ATP9A: variants seen among roughly 807,000 people sequenced by gnomAD.
ATP9A encodes the protein probable phospholipid-transporting ATPase IIA.
Under a neutral mutation model 144.1 loss-of-function variants are expected in ATP9A, and 52 were observed. The observed-to-expected ratio is 0.36, with a 90% CI of 0.29 to 0.45. The LOEUF is 0.45. Among genes scored for constraint, ATP9A ranks in the 20% least tolerant of loss-of-function variants. The pLI, the probability that ATP9A is intolerant of heterozygous loss-of-function variation, is 1.00. For missense variants in ATP9A, 947 were observed against 1,392.7 expected (o/e 0.68, Z 5.09); for synonymous variants, 582 against 557.4 (o/e 1.04, Z -0.62).
intron 23 of ATP9A, among the ~76,000 whole-genome samples, chr20:51,612,898 A>G (rs1303488334): frequency 1.3e-5 from 2 of 152,220 alleles, no homozygotes; most frequent in African/African-American, 4.8e-5. Context: ...CAGAACCGTG[A>G]TGCTGAGTCA....
At chr20:51,694,494 A>G (rs547310608) in intron 6 of ATP9A, among the ~76,000 whole-genome samples, 1 of 152,220 alleles carries the variant, frequency 6.6e-6, no homozygotes, top group South Asian at 2.1e-4. Context: ...TCAGGACCCA[A>G]ACCACCTGAG....
At chr20:51,650,941 G>A (rs4809861) in intron 14 of ATP9A, among the ~76,000 whole-genome samples, 67,865 of 150,088 alleles carry the variant, frequency 0.45, 16,711 homozygotes, top group East Asian at 0.8. Flanking sequence ...GAACACAAGC[G>A]TAAGTCCTAC....
intron 6 of ATP9A, among the ~76,000 whole-genome samples, chr20:51,695,040 T>G (rs1315972935): frequency 6.6e-6 from 1 of 152,208 alleles, no homozygotes; most frequent in African/African-American, 2.4e-5. Flanking sequence ...AAATTTTACT[T>G]GTACTTTAAT....
At chr20:51,671,351 G>C in intron 11 of ATP9A, 94 bp from the exon 12 acceptor site, 3 of 1,420,124 alleles carry the variant, frequency 2.1e-6, no homozygotes, top group South Asian at 2.6e-5. Flanking sequence ...ATGTGCCATC[G>C]CATCCGGACT....
chr20:51,626,084 C>T (rs1185944644), intron 17 of ATP9A, among the ~76,000 whole-genome samples: 4 of 152,298 alleles, frequency 2.6e-5, no homozygotes, highest in Non-Finnish European at 4.4e-5. Context: ...ACCAGAGACA[C>T]GGCAGTAAAC....
intron 13 of ATP9A, among the ~76,000 whole-genome samples, chr20:51,658,654 GC>G: frequency 6.6e-6 from 1 of 151,370 alleles, no homozygotes; most frequent in East Asian, 2.0e-4. Context: ...CGAGTAGCTG[GC>G]ATTACAGGCG....
intron 1 of ATP9A, among the ~76,000 whole-genome samples, chr20:51,747,510 GA>G (rs2077813818): frequency 1.3e-5 from 2 of 151,768 alleles, no homozygotes; most frequent in African/African-American, 4.8e-5. Context: ...TAAATGGGAA[GA>G]AAAAAAGAAG....
At chr20:51,697,527 T>C (rs1453033320) in intron 4 of ATP9A, 45 bp from the exon 5 acceptor site, 1 of 1,582,828 alleles carries the variant, frequency 6.3e-7, no homozygotes. Flanking sequence ...TTAATTCATT[T>C]CAATTCAACA....
chr20:51,725,167 G>A lies in ATP9A; in HGVS notation c.327+652C>T, dbSNP rs58409447. On this transcript the variant is annotated intron_variant, in intron 3 of 27. Coordinates refer to ENST00000338821, the MANE Select transcript of ATP9A (RefSeq NM_006045.3). ...GAGACAGGTCTCTCTCCATCACCCA[G>A]GCTGGAGTGCAGTGGCGTGATGTCA... Among the ~76,000 whole-genome samples the A allele has an allele frequency of 3.6e-3, 551 of 152,224 alleles. 11 individuals carry two copies. The East Asian group carries it at 0.06, about 17-fold the overall frequency.
intron 13 of ATP9A, among the ~76,000 whole-genome samples, chr20:51,659,893 A>T (rs1273195566): frequency 6.6e-6 from 1 of 152,244 alleles, no homozygotes; most frequent in Non-Finnish European, 1.5e-5. Context: ...TGTCAGGAGC[A>T]CACGAGTTTC....
At chr20:51,631,921 CT>C (rs2077271604) in intron 15 of ATP9A, among the ~76,000 whole-genome samples, 2 of 152,186 alleles carry the variant, frequency 1.3e-5, no homozygotes, top group Non-Finnish European at 1.5e-5. Flanking sequence ...AGGAAATGGC[CT>C]TGCTTTGTGG....
At chr20:51,619,371 C>G (rs1280262121) in intron 19 of ATP9A, among the ~76,000 whole-genome samples, 1 of 152,070 alleles carries the variant, frequency 6.6e-6, no homozygotes, top group Non-Finnish European at 1.5e-5. Flanking sequence ...TGAGACCAGC[C>G]TTGCCAACAT....
At chr20:51,697,268 T>C (rs2077574595) in intron 5 of ATP9A, among the ~76,000 whole-genome samples, 156 bp downstream of exon 5, 1 of 142,282 alleles carries the variant, frequency 7.0e-6, no homozygotes, top group African/African-American at 2.5e-5. Flanking sequence ...TGTGTGTGTC[T>C]GTCTGTCTGT....
intron 14 of ATP9A, among the ~76,000 whole-genome samples, chr20:51,641,543 G>A (rs1006160080): frequency 1.5e-4 from 22 of 151,416 alleles, no homozygotes; most frequent in African/African-American, 3.6e-4. Flanking sequence ...AGCCGGGCGC[G>A]GTGGCTCACA....
At chr20:51,656,219 CA>C (rs11476943) in intron 14 of ATP9A, among the ~76,000 whole-genome samples, 115,753 of 143,822 alleles carry the variant, frequency 0.8, 46,079 homozygotes, top group Middle Eastern at 0.86. Context: ...ATGATGGTTG[CA>C]AAAAAAAAAA....
chr20:51,651,430 TTATA>T (rs566211793), intron 14 of ATP9A, among the ~76,000 whole-genome samples: 90 of 146,054 alleles, frequency 6.2e-4, no homozygotes, highest in African/African-American at 2.0e-3. Flanking sequence ...ATATCATATA[TTATA>T]TAAATACACA....
At chr20:51,730,392 C>A (rs1176896194) in intron 1 of ATP9A, among the ~76,000 whole-genome samples, 1 of 152,212 alleles carries the variant, frequency 6.6e-6, no homozygotes, top group African/African-American at 2.4e-5. Context: ...CGCTTGAAAC[C>A]AAGAGGCGGA....
At chr20:51,749,291 C>A (rs1220775129) in intron 1 of ATP9A, among the ~76,000 whole-genome samples, 2 of 151,840 alleles carry the variant, frequency 1.3e-5, no homozygotes, top group African/African-American at 4.8e-5. Context: ...GAGACGGAGT[C>A]TCACTCCGTC....
chr20:51,645,300 A>G (rs2077337587), intron 14 of ATP9A, among the ~76,000 whole-genome samples: 1 of 152,144 alleles, frequency 6.6e-6, no homozygotes, highest in East Asian at 1.9e-4. Context: ...CAGGCAGATC[A>G]CCTGAGGTCA....
Sources: gnomAD v4.1 joint callset for allele counts (sites outside exome capture counted in the v4.1 genomes callset) on GRCh38, gnomAD v4.1.1 for gene constraint, MANE v1.5 for transcripts, NCBI Gene and HGNC (gene_info 2026-07-23, HGNC 2026-07-21) for gene names.